CAMK2D: variants seen among roughly 807,000 people sequenced by gnomAD.
The protein encoded by CAMK2D is calcium/calmodulin dependent protein kinase II delta.
CAMK2D carries 37 observed loss-of-function variants against 84.0 expected under a neutral mutation model. That is an observed-to-expected ratio of 0.44 (90% CI 0.34 to 0.58). The LOEUF (loss-of-function observed/expected upper bound fraction) is 0.58, where lower values mean the gene tolerates loss of function less well. Ranked by LOEUF, CAMK2D falls within the 20% of genes least tolerant of loss-of-function variation. The probability of loss-of-function intolerance (pLI) is 0.02; values close to 1 mark genes in which losing one functional copy is unlikely to be tolerated. For synonymous variants in CAMK2D, 202 were observed against 212.5 expected (o/e 0.95, Z 0.43); for missense variants, 448 against 652.5 (o/e 0.69, Z 3.41).
intron 9 of CAMK2D, among the ~76,000 whole-genome samples, chr4:113,517,306 G>A (rs2098297550): frequency 6.6e-6 from 1 of 151,974 alleles, no homozygotes; most frequent in African/African-American, 2.4e-5. Flanking sequence ...AATGCACTAA[G>A]GTCCAAATAT....
chr4:113,638,290 C>T (rs2099117945), intron 3 of CAMK2D, among the ~76,000 whole-genome samples: 1 of 151,710 alleles, frequency 6.6e-6, no homozygotes, highest in Non-Finnish European at 1.5e-5. Flanking sequence ...GTGTGTGTGT[C>T]AGAGACAGAA....
intron 3 of CAMK2D, among the ~76,000 whole-genome samples, chr4:113,612,317 T>C (rs9307393): frequency 0.16 from 24,093 of 152,216 alleles, 2,023 homozygotes; most frequent in East Asian, 0.29. Context: ...TCCTATTCTT[T>C]TTTTCCTTTT....
intron 2 of CAMK2D, among the ~76,000 whole-genome samples, chr4:113,726,855 A>G (rs976780488): frequency 2.0e-5 from 3 of 152,106 alleles, no homozygotes; most frequent in African/African-American, 7.2e-5. Flanking sequence ...TTTTTTGGAA[A>G]ACAATTTTTT....
chr4:113,741,420 T>C (rs1433431482), intron 2 of CAMK2D, among the ~76,000 whole-genome samples: 2 of 152,204 alleles, frequency 1.3e-5, no homozygotes, highest in African/African-American at 2.4e-5. Flanking sequence ...AATTGTTCTA[T>C]TTTATTAGTA....
intron 3 of CAMK2D, among the ~76,000 whole-genome samples, chr4:113,614,364 T>C (rs1390726685): frequency 6.6e-6 from 1 of 152,168 alleles, no homozygotes; most frequent in Non-Finnish European, 1.5e-5. Flanking sequence ...ATGTCTATCA[T>C]TATTCATGTC....
At chr4:113,497,479 C>G (rs537823226) in intron 16 of CAMK2D, among the ~76,000 whole-genome samples, 1 of 152,334 alleles carries the variant, frequency 6.6e-6, no homozygotes, top group Admixed American at 6.5e-5. Context: ...GTGCTCCAGA[C>G]TGAGGAACCA....
At chr4:113,636,515 C>G (rs1000927016) in intron 3 of CAMK2D, among the ~76,000 whole-genome samples, 3 of 152,224 alleles carry the variant, frequency 2.0e-5, no homozygotes, top group African/African-American at 7.2e-5. Context: ...TCTACTCGGA[C>G]TGCCATAACA....
intron 4 of CAMK2D, among the ~76,000 whole-genome samples, chr4:113,600,334 T>C (rs529464351): frequency 6.6e-6 from 1 of 152,336 alleles, no homozygotes; most frequent in African/African-American, 2.4e-5. Context: ...TAGTACAATG[T>C]ACTATTATAA....
At chr4:113,525,737 T>C (rs568039914) in intron 8 of CAMK2D, among the ~76,000 whole-genome samples, 38 of 152,328 alleles carry the variant, frequency 2.5e-4, no homozygotes, top group African/African-American at 9.1e-4. Context: ...GCTTAATTCA[T>C]ATAGAAGGCT....
chr4:113,619,103 T>C (rs1304322597), intron 3 of CAMK2D, among the ~76,000 whole-genome samples: 3 of 151,716 alleles, frequency 2.0e-5, no homozygotes, highest in Non-Finnish European at 4.4e-5. Flanking sequence ...GCTTCATCCA[T>C]GGTCTTCCAT....
intron 16 of CAMK2D, among the ~76,000 whole-genome samples, chr4:113,480,941 G>T (rs1045933604): frequency 1.6e-4 from 25 of 152,064 alleles, no homozygotes; most frequent in African/African-American, 5.1e-4. Context: ...GAGAGCAAGC[G>T]TTCACCAGAC....
In CAMK2D at chr4:113,576,953, T is replaced by C. The variant is rs182166089; in HGVS notation, c.276-24857A>G. On this transcript the variant is annotated intron_variant, in intron 4 of 20. Coordinates refer to ENST00000511664, the MANE Select transcript of CAMK2D (RefSeq NM_001321571.2). Reference sequence around the variant, plus strand: ...CTCTTGGTTTTCCTAATTCCCAGAATTGTTTAGTATTCATTTCATTTCAAA... The same window carrying C: ...CTCTTGGTTTTCCTAATTCCCAGAACTGTTTAGTATTCATTTCATTTCAAA... 2.0e-5 allele frequency among the ~76,000 whole-genome samples: 3 copies of C among 152,290 alleles called. No individual in the cohort carries two copies. The East Asian group carries it at 5.8e-4, about 29-fold the overall frequency.
chr4:113,631,388 G>A (rs1046642758), intron 3 of CAMK2D, among the ~76,000 whole-genome samples: 4 of 152,146 alleles, frequency 2.6e-5, no homozygotes, highest in Non-Finnish European at 5.9e-5. Flanking sequence ...CAAAGAAAAT[G>A]TAGGGAATTA....
intron 2 of CAMK2D, among the ~76,000 whole-genome samples, chr4:113,722,781 A>G (rs1009845420): frequency 9.9e-5 from 15 of 152,100 alleles, no homozygotes; most frequent in Non-Finnish European, 7.4e-5. Context: ...ACAGAGCCCA[A>G]TTGGTGCTCC....
chr4:113,731,584 G>GATT (rs2099569006), intron 2 of CAMK2D, among the ~76,000 whole-genome samples: 3 of 138,396 alleles, frequency 2.2e-5, no homozygotes, highest in Non-Finnish European at 4.7e-5. Context: ...CAGGGTTATT[G>GATT]CTTTTTTTTT....
chr4:113,703,930 T>TG (rs1052153165), intron 2 of CAMK2D, among the ~76,000 whole-genome samples: 1 of 150,860 alleles, frequency 6.6e-6, no homozygotes, highest in Admixed American at 6.6e-5. Context: ...GACCTTTTTT[T>TG]TTTTTTTTTT....
intron 17 of CAMK2D, among the ~76,000 whole-genome samples, chr4:113,464,788 TA>T (rs2097436013): frequency 1.3e-5 from 2 of 152,222 alleles, no homozygotes; most frequent in Admixed American, 1.3e-4. Flanking sequence ...TGTCACCTCC[TA>T]ATCTCTTTCT....
chr4:113,495,138 T>C (rs2097911311), intron 16 of CAMK2D, among the ~76,000 whole-genome samples: 1 of 152,208 alleles, frequency 6.6e-6, no homozygotes, highest in Admixed American at 6.5e-5. Context: ...ACCAGAGTTG[T>C]TCCTATTTGG....
At chr4:113,590,896 T>C (rs2098873264) in intron 4 of CAMK2D, among the ~76,000 whole-genome samples, 1 of 152,168 alleles carries the variant, frequency 6.6e-6, no homozygotes, top group Non-Finnish European at 1.5e-5. Context: ...AATGAATATA[T>C]TAAATTTCAG....
Sources: gnomAD v4.1 joint callset for allele counts (sites outside exome capture counted in the v4.1 genomes callset) on GRCh38, gnomAD v4.1.1 for gene constraint, MANE v1.5 for transcripts, NCBI Gene and HGNC (gene_info 2026-07-23, HGNC 2026-07-21) for gene names.